The following SRD5A2 variants were observed in gnomAD, a reference collection of about 807,000 sequenced individuals.
The protein encoded by SRD5A2 is steroid 5 alpha-reductase 2.
In SRD5A2, 30 loss-of-function variants were observed where a neutral mutation model predicts 27.4. The ratio of observed to expected loss-of-function variants is 1.10; its 90% CI spans 0.82 to 1.49. The LOEUF (loss-of-function observed/expected upper bound fraction) is 1.49, where lower values mean the gene tolerates loss of function less well. Among genes scored for constraint, SRD5A2 ranks in the 40% most tolerant of loss-of-function variants. The pLI, the probability that SRD5A2 is intolerant of heterozygous loss-of-function variation, is 0.00. For synonymous variants in SRD5A2, 141 were observed against 133.6 expected (o/e 1.06, Z -0.38); for missense variants, 348 against 323.4 (o/e 1.08, Z -0.58).
chr2:31,524,145 A>G lies in SRD5A2; in HGVS notation c.*2051T>C. 4.5e-6 allele frequency: 1 copy of G among 223,822 alleles called. No homozygotes were observed. The highest frequency in any genetic ancestry group is 8.9e-6 in the Non-Finnish European group (1 of 112,086). The allele number at this position is 223,822 out of a possible 1,614,324, so 13.9% of individuals were successfully genotyped here. ...ATTTATTGTATATTTATTTCATCTCAAGGACCGGCCTGGATGTTTTACATG... is the reference window on the plus strand; with the variant it reads ...ATTTATTGTATATTTATTTCATCTCGAGGACCGGCCTGGATGTTTTACATG... On this transcript the variant is annotated 3_prime_UTR_variant, in exon 5 of 5. Transcript: ENST00000622030.
the SRD5A2 span, among the ~76,000 whole-genome samples, chr2:31,606,106 A>G: frequency 3.9e-5 from 6 of 151,968 alleles, no homozygotes; most frequent in Non-Finnish European, 8.8e-5. Context: ...AAAACAATTG[A>G]ACTCATGGAG....
At chr2:31,627,600 T>C in the SRD5A2 span, among the ~76,000 whole-genome samples, 2 of 152,126 alleles carry the variant, frequency 1.3e-5, no homozygotes, top group African/African-American at 2.4e-5. Flanking sequence ...TTGATGTGGA[T>C]ACTTAGTAGT....
chr2:31,609,349 C>T, the SRD5A2 span, among the ~76,000 whole-genome samples: 1 of 151,854 alleles, frequency 6.6e-6, no homozygotes, highest in Non-Finnish European at 1.5e-5. Context: ...ACTCACATTA[C>T]CCAATTATAA....
the SRD5A2 span, among the ~76,000 whole-genome samples, chr2:31,606,346 C>T: frequency 6.6e-6 from 1 of 151,960 alleles, no homozygotes; most frequent in Non-Finnish European, 1.5e-5. Flanking sequence ...ATGGACACCC[C>T]ATTTGCCATG....
At chr2:31,594,954 T>A in the SRD5A2 span, among the ~76,000 whole-genome samples, 1 of 152,184 alleles carries the variant, frequency 6.6e-6, no homozygotes, top group Non-Finnish European at 1.5e-5. Flanking sequence ...TGCTCCTGAA[T>A]AATTTTTGAG....
At chr2:31,574,767 G>C (rs1435986593) in intron 1 of SRD5A2, among the ~76,000 whole-genome samples, 4 of 152,180 alleles carry the variant, frequency 2.6e-5, no homozygotes, top group African/African-American at 4.8e-5. Flanking sequence ...TTTTATTATA[G>C]AATTACCAGG....
At chr2:31,534,773 A>G (rs141852161) in intron 1 of SRD5A2, among the ~76,000 whole-genome samples, 2 of 152,168 alleles carry the variant, frequency 1.3e-5, no homozygotes, top group Non-Finnish European at 2.9e-5. Flanking sequence ...AGGAACACCC[A>G]TCCTTCAAAG....
At chr2:31,527,086 G>C (rs1665798928) in intron 4 of SRD5A2, 1 of 152,200 alleles carries the variant, frequency 6.6e-6, no homozygotes, top group South Asian at 2.1e-4. Context: ...CGGGGGCCTG[G>C]CCCTGCCTAC....
intron 1 of SRD5A2, among the ~76,000 whole-genome samples, chr2:31,542,897 AAAAATTCTTCGAATTTG>A (rs1666159552): frequency 6.6e-6 from 1 of 152,190 alleles, no homozygotes. Context: ...AATAATGGTG[AAAAATTCTTCGAATTTG>A]AAAAAAGACA....
At chr2:31,536,631 G>A (rs1234446063) in intron 1 of SRD5A2, among the ~76,000 whole-genome samples, 4 of 152,156 alleles carry the variant, frequency 2.6e-5, no homozygotes, top group East Asian at 1.9e-4. Context: ...TAGATGTCCC[G>A]GAGAACAAAT....
At chr2:31,638,224 G>A in the SRD5A2 span, among the ~76,000 whole-genome samples, 2 of 151,854 alleles carry the variant, frequency 1.3e-5, no homozygotes, top group Non-Finnish European at 2.9e-5. Context: ...ATATCCATTT[G>A]TTTGTGTATT....
chr2:31,560,010 T>A (rs1666586383), intron 1 of SRD5A2, among the ~76,000 whole-genome samples: 1 of 151,232 alleles, frequency 6.6e-6, no homozygotes, highest in Non-Finnish European at 1.5e-5. Context: ...TTATCATCAC[T>A]TTTTAAAAAA....
chr2:31,645,051 C>T, the SRD5A2 span, among the ~76,000 whole-genome samples: 1 of 152,112 alleles, frequency 6.6e-6, no homozygotes, highest in African/African-American at 2.4e-5. Context: ...TTTTGAGAAA[C>T]AGATACAACT....
chr2:31,552,695 C>A (rs371164807), intron 1 of SRD5A2, among the ~76,000 whole-genome samples: 1 of 152,098 alleles, frequency 6.6e-6, no homozygotes. Flanking sequence ...TTGATGGGGG[C>A]AGCTAAGAAC....
chr2:31,625,437 T>C, the SRD5A2 span, among the ~76,000 whole-genome samples: 3 of 152,216 alleles, frequency 2.0e-5, no homozygotes, highest in Non-Finnish European at 4.4e-5. Context: ...TACTTGCCCA[T>C]ACCTATGTCC....
the SRD5A2 span, among the ~76,000 whole-genome samples, chr2:31,627,902 C>G: frequency 6.6e-6 from 1 of 151,778 alleles, no homozygotes. Context: ...ATTACGTAGT[C>G]AATTTTATAG....
At chr2:31,651,669 C>T in the SRD5A2 span, 1 of 158,922 alleles carries the variant, frequency 6.3e-6, no homozygotes, top group Non-Finnish European at 1.4e-5. Context: ...GCACATCACC[C>T]TCTACTGCCA....
chr2:31,624,060 TTTTC>T, the SRD5A2 span, among the ~76,000 whole-genome samples: 1 of 152,084 alleles, frequency 6.6e-6, no homozygotes, highest in Non-Finnish European at 1.5e-5. Flanking sequence ...TGGCCTGAAA[TTTTC>T]TTTTTTTGTT....
At chr2:31,567,708 T>C (rs1390854753) in intron 1 of SRD5A2, among the ~76,000 whole-genome samples, 3 of 152,142 alleles carry the variant, frequency 2.0e-5, no homozygotes, top group Non-Finnish European at 4.4e-5. Flanking sequence ...GTTTTTGGCT[T>C]GTACAAATAA....
Sources: allele counts gnomAD v4.1 joint callset (sites outside exome capture counted in the v4.1 genomes callset), GRCh38; gene constraint gnomAD v4.1.1; transcripts MANE v1.5; gene names NCBI Gene and HGNC (gene_info 2026-07-23, HGNC 2026-07-21).